MYO10: variants seen among roughly 807,000 people sequenced by gnomAD.
The protein encoded by MYO10 is myosin X.
In MYO10, 133 loss-of-function variants were observed where a neutral mutation model predicts 257.3. That is an observed-to-expected ratio of 0.52 (90% CI 0.45 to 0.60). MYO10 has a LOEUF of 0.60. MYO10 is among the 20% of genes least tolerant of loss of function. MYO10 has a pLI of 0.00. For synonymous variants in MYO10, 1,104 were observed against 1,028.6 expected, an observed-to-expected ratio of 1.07 and a Z score of -1.40; for missense variants, 2,399 against 2,635.7, an observed-to-expected ratio of 0.91 and a Z score of 1.97.
At chr5:16,747,069 G>C (rs766760260) in intron 19 of MYO10, among the ~76,000 whole-genome samples, 1 of 152,202 alleles carries the variant, frequency 6.6e-6, no homozygotes, top group Non-Finnish European at 1.5e-5. Flanking sequence ...TGAAGCATCA[G>C]CCCTCAGATC....
In MYO10 at chr5:16,838,221, G is replaced by A. The variant is rs139266645; in HGVS notation, c.121-20054C>T. ...GCTGAGTGAGGAAGGCATGGCGAAAGTTAAGACAAGCTGGAAGCCAAACAG... is the reference window on the plus strand; with the variant it reads ...GCTGAGTGAGGAAGGCATGGCGAAAATTAAGACAAGCTGGAAGCCAAACAG... On this transcript the variant is annotated intron_variant, in intron 2 of 40. Transcript: ENST00000513610. Among the ~76,000 whole-genome samples, 554 of 152,336 alleles carry A rather than the reference G, an allele frequency of 3.6e-3. 8 individuals are homozygous for A. Among genetic ancestry groups the A allele is most frequent in the African/African-American group, 0.013 (537 of 41,584 alleles).
At chr5:16,812,633 CA>C (rs1742475274) in intron 3 of MYO10, among the ~76,000 whole-genome samples, 1 of 152,146 alleles carries the variant, frequency 6.6e-6, no homozygotes, top group Non-Finnish European at 1.5e-5. Context: ...AAACTTCTTC[CA>C]AATCCCCCTT....
intron 2 of MYO10, among the ~76,000 whole-genome samples, chr5:16,848,316 G>A (rs1320697372): frequency 6.6e-6 from 1 of 151,754 alleles, no homozygotes; most frequent in Non-Finnish European, 1.5e-5. Flanking sequence ...GCGCCACTAC[G>A]CCCAGCTAAT....
chr5:16,768,814 T>C (rs1009873383), intron 10 of MYO10, among the ~76,000 whole-genome samples: 4 of 151,834 alleles, frequency 2.6e-5, no homozygotes, highest in Non-Finnish European at 5.9e-5. Flanking sequence ...CAGCTGGGAC[T>C]ACAGGGGCAC....
At position 16,694,508 on chromosome 5, in the gene MYO10, T is replaced by C; in HGVS notation, c.3663A>G (p.Lys1221=). The change falls in exon 27 of 41, where the codon AAA becomes AAG. Residue 1221 remains lysine (K), a synonymous_variant. Coordinates refer to ENST00000513610, the MANE Select transcript of MYO10 (RefSeq NM_012334.3). ...QEALKQGWLH[K]KGGGSSTLSR... is the part of the protein sequence containing the mutation. ...ACAGCGTGGAGGAGCCCCCCCCTTTTTTGTGGAGCCAGCCTTGCTTGAGGG... is the reference window on the plus strand; with the variant it reads ...ACAGCGTGGAGGAGCCCCCCCCTTTCTTGTGGAGCCAGCCTTGCTTGAGGG... 2.5e-6 allele frequency: 4 copies of C among 1,613,976 alleles called. No individual in the cohort carries two copies. The highest frequency in any genetic ancestry group is 2.2e-5 in the East Asian group (1 of 44,882).
intron 2 of MYO10, among the ~76,000 whole-genome samples, chr5:16,838,401 A>C (rs1225872429): frequency 6.6e-6 from 1 of 152,238 alleles, no homozygotes; most frequent in Admixed American, 6.5e-5. Flanking sequence ...CAGCCACAAC[A>C]ATCCCTTCAG....
chr5:16,698,772 C>G (rs946168721), intron 26 of MYO10, among the ~76,000 whole-genome samples: 1 of 150,130 alleles, frequency 6.7e-6, no homozygotes, highest in Non-Finnish European at 1.5e-5. Context: ...TACAGGAGCC[C>G]GCCACCGCTC....
At chr5:16,854,030 G>A (rs1355664815) in intron 2 of MYO10, 1 of 151,996 alleles carries the variant, frequency 6.6e-6, no homozygotes, top group Admixed American at 6.6e-5. Flanking sequence ...TCGTGATCTC[G>A]TCTGATCTCG....
intron 2 of MYO10, among the ~76,000 whole-genome samples, chr5:16,829,970 TG>T (rs1743117131): frequency 1.3e-5 from 2 of 152,146 alleles, no homozygotes; most frequent in African/African-American, 4.8e-5. Flanking sequence ...CCAGGTGCGG[TG>T]GCTCACACCT....
chr5:16,685,411 T>G (rs550752587), intron 29 of MYO10, among the ~76,000 whole-genome samples: 1 of 151,984 alleles, frequency 6.6e-6, no homozygotes, highest in Non-Finnish European at 1.5e-5. Context: ...AGTGTCTTGC[T>G]ATGTTTCTCA....
At chr5:16,827,411 C>T (rs1351104789) in intron 2 of MYO10, among the ~76,000 whole-genome samples, 1 of 152,102 alleles carries the variant, frequency 6.6e-6, no homozygotes, top group African/African-American at 2.4e-5. Flanking sequence ...CTCAGCCTCC[C>T]GGATAGCTGG....
At chr5:16,792,876 C>G (rs1741814316) in intron 4 of MYO10, among the ~76,000 whole-genome samples, 2 of 152,280 alleles carry the variant, frequency 1.3e-5, no homozygotes, top group South Asian at 4.1e-4. Flanking sequence ...CCCCCTCCCC[C>G]GACATCACCC....
At chr5:16,895,410 C>G (rs1349653465) in intron 1 of MYO10, among the ~76,000 whole-genome samples, 2 of 152,166 alleles carry the variant, frequency 1.3e-5, no homozygotes, top group African/African-American at 4.8e-5. Context: ...ACCGGAGGCT[C>G]TGAGGCCCGA....
intron 3 of MYO10, among the ~76,000 whole-genome samples, chr5:16,799,619 A>G (rs996995790): frequency 6.6e-6 from 1 of 151,992 alleles, no homozygotes; most frequent in Non-Finnish European, 1.5e-5. Context: ...CAGCTTCCCA[A>G]GTAGCTGGGA....
intron 33 of MYO10, 90 bp downstream of exon 33, chr5:16,679,857 C>T (rs35580): frequency 0.58 from 851,184 of 1,467,256 alleles, 249,742 homozygotes; most frequent in African/African-American, 0.8. Flanking sequence ...AGAAAAAAAA[C>T]TGAGCTTCAC....
chr5:16,822,532 T>C (rs1485270078), intron 2 of MYO10, among the ~76,000 whole-genome samples: 1 of 152,104 alleles, frequency 6.6e-6, no homozygotes, highest in Non-Finnish European at 1.5e-5. Context: ...TTACATCAGG[T>C]ATTCAGGGGC....
chr5:16,740,757 G>T (rs1335160941), intron 19 of MYO10, among the ~76,000 whole-genome samples: 1 of 152,072 alleles, frequency 6.6e-6, no homozygotes, highest in East Asian at 1.9e-4. Flanking sequence ...CGAGGTATGA[G>T]AAAACCAGTT....
At chr5:16,695,933 C>T (rs1737726441) in intron 26 of MYO10, among the ~76,000 whole-genome samples, 1 of 152,204 alleles carries the variant, frequency 6.6e-6, no homozygotes, top group South Asian at 2.1e-4. Flanking sequence ...GCTGCAGAGC[C>T]GTGTCCTAAC....
At chr5:16,673,915 T>A in intron 35 of MYO10, 26 bp from the exon 36 acceptor site, 2 of 1,604,544 alleles carry the variant, frequency 1.2e-6, no homozygotes, top group Non-Finnish European at 1.7e-6. Context: ...TAACTGTTAA[T>A]TTTTAGACTG....
Sources: allele counts gnomAD v4.1 joint callset (sites outside exome capture counted in the v4.1 genomes callset), GRCh38; gene constraint gnomAD v4.1.1; transcripts MANE v1.5; gene names NCBI Gene and HGNC (gene_info 2026-07-23, HGNC 2026-07-21).